CFAP69: variants seen among roughly 807,000 people sequenced by gnomAD.
The protein encoded by CFAP69 is cilia- and flagella-associated protein 69.
CFAP69 carries 92 observed loss-of-function variants against 123.0 expected under a neutral mutation model. The ratio of observed to expected loss-of-function variants is 0.75; its 90% CI spans 0.63 to 0.89. CFAP69 has a LOEUF of 0.89. Ranked by LOEUF, CFAP69 falls within the 40% of genes least tolerant of loss-of-function variation. The pLI is 0.00. For synonymous variants in CFAP69, 380 were observed against 364.3 expected, an observed-to-expected ratio of 1.04 and a Z score of -0.49; for missense variants, 1,067 against 1,096.9, an observed-to-expected ratio of 0.97 and a Z score of 0.39.
chr7:90,254,319 C>T (rs778248078), intron 1 of CFAP69, among the ~76,000 whole-genome samples: 5 of 152,048 alleles, frequency 3.3e-5, no homozygotes, highest in African/African-American at 4.8e-5. Context: ...TGGGTGCTCG[C>T]GGTCTACTAC....
At position 90,283,015 on chromosome 7, in the gene CFAP69, A is replaced by G; in HGVS notation, c.1496A>G (p.Asn499Ser). 6.3e-7 allele frequency: 1 copy of G among 1,583,680 alleles called. No homozygotes were observed. Among genetic ancestry groups the G allele is most frequent in the Non-Finnish European group, 8.6e-7 (1 of 1,166,490 alleles). ...AVVYLEDETV[N>S]KDLCEKGTIQ... ...GTCTACCTTGAAGATGAGACTGTAAACAAAGATCTTTGTGAAAAGGGAACA... is the reference window on the plus strand; with the variant it reads ...GTCTACCTTGAAGATGAGACTGTAAGCAAAGATCTTTGTGAAAAGGGAACA... The change falls in exon 13 of 23, where the codon AAC becomes AGC. Residue 499 changes from asparagine to serine, a missense_variant. Physicochemically the swap from Asn to Ser is conservative, Grantham distance 46. Coordinates refer to ENST00000389297, the MANE Select transcript of CFAP69 (RefSeq NM_001039706.3).
At chr7:90,269,957 C>T (rs749963069) in intron 6 of CFAP69, 1 of 152,102 alleles carries the variant, frequency 6.6e-6, no homozygotes, top group African/African-American at 2.4e-5. Context: ...TTAGAGTTAA[C>T]CTTGGCAAAA....
Position 90,306,891 on chromosome 7 carries a change from G to T in CFAP69, c.2266-10G>T. 1 of 1,443,334 alleles carries T rather than the reference G, an allele frequency of 6.9e-7. No individual in the cohort carries two copies. The highest frequency in any genetic ancestry group is 1.4e-5 in the African/African-American group (1 of 70,106). The allele number at this position is 1,443,334 out of a possible 1,614,324, so 89.4% of individuals were successfully genotyped here. Reference sequence around the variant, plus strand: ...GGTTAATTTAACTTTGTTAAACTTTGTTATAACAGATTGGAGAAATATGGA... The same window carrying T: ...GGTTAATTTAACTTTGTTAAACTTTTTTATAACAGATTGGAGAAATATGGA... On this transcript the variant is annotated splice_polypyrimidine_tract_variant and intron_variant, in intron 19 of 22. Coordinates refer to ENST00000389297, the MANE Select transcript of CFAP69 (RefSeq NM_001039706.3).
intron 14 of CFAP69, among the ~76,000 whole-genome samples, chr7:90,287,263 G>T (rs1443525761): frequency 3.3e-5 from 5 of 151,998 alleles, no homozygotes; most frequent in Non-Finnish European, 5.9e-5. Flanking sequence ...AATGAATAAA[G>T]CTTCAGTGAA....
rs1309311562 is a variant in CFAP69 at position 90,307,227 on chromosome 7, T to C, written c.2463+129T>C. The C allele has an allele frequency of 7.2e-6, 5 of 696,990 alleles. No individual in the cohort carries two copies. The African/African-American group carries it at 7.3e-5, about 10-fold the overall frequency. 43.2% of individuals were successfully genotyped at this position (696,990 alleles called of 1,614,324 possible). A position where few individuals can be genotyped will look rare whatever the true frequency, so the allele number is the denominator to read the frequency against. ...GACAACTATAGTAACAATAATTTAT[T>C]GTACATTTCAAAATACCCAGAAGAC... is the stretch of plus-strand genomic sequence containing the variant. On this transcript the variant is annotated intron_variant, in intron 20 of 22. Coordinates refer to ENST00000389297, the MANE Select transcript of CFAP69 (RefSeq NM_001039706.3).
chr7:90,283,107 T>C (rs1342981307), intron 13 of CFAP69, 51 bp downstream of exon 13: 2 of 1,322,744 alleles, frequency 1.5e-6, no homozygotes, highest in Non-Finnish European at 2.0e-6. Flanking sequence ...TTTTTAATAG[T>C]AGTAGTTTTG....
In CFAP69 at chr7:90,300,363, T is replaced by C. The variant is rs1031296001; in HGVS notation, c.2050+304T>C. The C allele has an allele frequency of 4.4e-5, 39 of 894,900 alleles. No individual in the cohort carries two copies. In the African/African-American group the frequency reaches 6.8e-4, roughly 16 times the overall value. The allele number at this position is 894,900 out of a possible 1,614,324, so 55.4% of individuals were successfully genotyped here. On this transcript the variant is annotated intron_variant, in intron 17 of 22. Transcript: ENST00000389297. ...TGGGTTTTCTGCTTTTATAGATAGA[T>C]TCAATAATATTTCATTGAGATGTAA...
chr7:90,257,917 G>A (rs182313871), intron 2 of CFAP69, among the ~76,000 whole-genome samples, 181 bp from the exon 3 acceptor site: 13 of 152,208 alleles, frequency 8.5e-5, no homozygotes, highest in East Asian at 7.7e-4. Flanking sequence ...TCATACAGTC[G>A]TTCTGATAGT....
intron 4 of CFAP69, 33 bp downstream of exon 4, chr7:90,262,089 T>A: frequency 7.8e-7 from 1 of 1,277,302 alleles, no homozygotes; most frequent in Non-Finnish European, 1.1e-6. Flanking sequence ...TATTTTGTAG[T>A]AACATGGAGT....
chr7:90,286,263 T>A lies in CFAP69; in HGVS notation c.1538-18T>A. 1 of 1,578,346 alleles carries A rather than the reference T, an allele frequency of 6.3e-7. No individual in the cohort carries two copies. Among genetic ancestry groups the A allele is most frequent in the Non-Finnish European group, 8.6e-7 (1 of 1,157,554 alleles). ...TAGTGTCCAATAACTATACAGTCTT[T>A]AAATGTTTTCATACCAGGAATCTTT... On this transcript the variant is annotated intron_variant, in intron 13 of 22. Coordinates refer to ENST00000389297, the MANE Select transcript of CFAP69 (RefSeq NM_001039706.3).
intron 1 of CFAP69, among the ~76,000 whole-genome samples, chr7:90,250,576 T>G (rs1295595643): frequency 6.6e-6 from 1 of 152,228 alleles, no homozygotes; most frequent in Non-Finnish European, 1.5e-5. Flanking sequence ...ATGAAGTAAG[T>G]CTGATTGTCT....
chr7:90,250,984 T>C lies in CFAP69; in HGVS notation c.121-4439T>C, dbSNP rs77590202. On this transcript the variant is annotated intron_variant, in intron 1 of 22. Transcript: ENST00000389297. ...TGATGTTTTTAATTCCATTTGCTGT[T>C]GTCTATACCAGTTGCTGCTACCTAT... Among the ~76,000 whole-genome samples, 1,254 of 152,254 alleles carry C rather than the reference T, an allele frequency of 8.2e-3. 19 individuals carry two copies. The highest frequency in any genetic ancestry group is 0.028 in the African/African-American group (1,173 of 41,518).
chr7:90,314,065 A>G (rs1010474404), downstream of CFAP69, among the ~76,000 whole-genome samples: 2 of 152,128 alleles, frequency 1.3e-5, no homozygotes, highest in African/African-American at 2.4e-5. Flanking sequence ...GGCAAACCCA[A>G]ATTGAGGGGC....
chr7:90,261,077 A>G (rs958883683), intron 3 of CFAP69, among the ~76,000 whole-genome samples: 3 of 145,464 alleles, frequency 2.1e-5, no homozygotes, highest in African/African-American at 7.8e-5. Context: ...TTATGTGCCA[A>G]TAGGATTTTT....
At chr7:90,304,684 TA>T in intron 18 of CFAP69, 59 bp from the exon 19 acceptor site, 3 of 1,409,128 alleles carry the variant, frequency 2.1e-6, no homozygotes, top group Admixed American at 2.3e-5. Context: ...GATAGATAGA[TA>T]GATTCTTAGA....
chr7:90,272,413 T>C (rs887130666), intron 8 of CFAP69, among the ~76,000 whole-genome samples: 2 of 152,154 alleles, frequency 1.3e-5, no homozygotes, highest in African/African-American at 4.8e-5. Flanking sequence ...ACAATATAGA[T>C]ATTGTCTCTG....
At chr7:90,265,481 C>A in intron 5 of CFAP69, 104 bp downstream of exon 5, 1 of 702,678 alleles carries the variant, frequency 1.4e-6, no homozygotes, top group Non-Finnish European at 2.5e-6. Context: ...ACTCCTTCTC[C>A]ATGTCTAGGA....
At chr7:90,274,522 C>T (rs1413213815) in intron 9 of CFAP69, among the ~76,000 whole-genome samples, 2 of 152,154 alleles carry the variant, frequency 1.3e-5, no homozygotes, top group African/African-American at 2.4e-5. Flanking sequence ...AGTCTATGCT[C>T]ATTGAATATA....
At chr7:90,273,957 T>C (rs774504302) in intron 8 of CFAP69, 30 bp from the exon 9 acceptor site, 28 of 1,510,996 alleles carry the variant, frequency 1.9e-5, no homozygotes, top group Non-Finnish European at 2.4e-5. Flanking sequence ...TATAACAATA[T>C]AGTTTTTAAA....
Sources: allele counts gnomAD v4.1 joint callset (sites outside exome capture counted in the v4.1 genomes callset), GRCh38; gene constraint gnomAD v4.1.1; transcripts MANE v1.5; gene names NCBI Gene and HGNC (gene_info 2026-07-23, HGNC 2026-07-21).